Variants in MDGA2 observed in about 807,000 individuals in gnomAD.
MDGA2 encodes MAM domain containing glycosylphosphatidylinositol anchor 2.
A neutral mutation model predicts 117.8 loss-of-function variants in MDGA2; 40 were observed. The ratio of observed to expected loss-of-function variants is 0.34; its 90% confidence interval spans 0.26 to 0.44. MDGA2 has a LOEUF of 0.44. Among genes scored for constraint, MDGA2 ranks in the 20% least tolerant of loss-of-function variants. The probability of loss-of-function intolerance (pLI) is 1.00; values close to 1 mark genes in which losing one functional copy is unlikely to be tolerated. For synonymous variants in MDGA2, 452 were observed against 439.0 expected (o/e 1.03, Z -0.37); for missense variants, 1,123 against 1,250.6 (o/e 0.90, Z 1.54).
intron 3 of MDGA2, among the ~76,000 whole-genome samples, chr14:47,201,431 T>C (rs1885502757): frequency 6.6e-6 from 1 of 152,182 alleles, no homozygotes; most frequent in Admixed American, 6.5e-5. Context: ...CCCTTTTACC[T>C]TGGCCTCCCA....
At chr14:46,919,021 T>C (rs949584328) in intron 10 of MDGA2, among the ~76,000 whole-genome samples, 18 of 151,978 alleles carry the variant, frequency 1.2e-4, no homozygotes, top group Non-Finnish European at 1.8e-4. Context: ...CTCGGCCTCC[T>C]AAAGTGCTGG....
At chr14:46,983,067 T>C (rs899885311) in intron 8 of MDGA2, among the ~76,000 whole-genome samples, 31 of 152,294 alleles carry the variant, frequency 2.0e-4, no homozygotes, top group African/African-American at 6.3e-4. Context: ...GAGATAATCA[T>C]GTGGTTTTTG....
chr14:47,074,217 C>CT (rs1183266387), intron 6 of MDGA2, among the ~76,000 whole-genome samples: 2 of 152,050 alleles, frequency 1.3e-5, no homozygotes, highest in African/African-American at 2.4e-5. Context: ...TATTTACTCT[C>CT]TTTTTATTTC....
chr14:47,663,842 T>C (rs1420101345), intron 1 of MDGA2, among the ~76,000 whole-genome samples: 5 of 152,198 alleles, frequency 3.3e-5, no homozygotes, highest in African/African-American at 1.2e-4. Flanking sequence ...ATTGGGTGGC[T>C]GATTTTTATA....
chr14:47,290,252 C>G (rs923614545), intron 2 of MDGA2, among the ~76,000 whole-genome samples: 1 of 151,878 alleles, frequency 6.6e-6, no homozygotes, highest in Non-Finnish European at 1.5e-5. Context: ...GGGTAGAGAC[C>G]TCATGAATGG....
At chr14:46,983,977 T>G (rs1309591617) in intron 8 of MDGA2, among the ~76,000 whole-genome samples, 2 of 151,986 alleles carry the variant, frequency 1.3e-5, no homozygotes. Flanking sequence ...CTAATCTGAT[T>G]GATGTTACAA....
intron 1 of MDGA2, among the ~76,000 whole-genome samples, chr14:47,582,773 G>C (rs1054905883): frequency 1.3e-5 from 2 of 151,822 alleles, no homozygotes; most frequent in African/African-American, 4.8e-5. Flanking sequence ...CTTGGGGTTT[G>C]TTTATATTCT....
At chr14:47,518,894 C>T (rs1894809271) in intron 1 of MDGA2, among the ~76,000 whole-genome samples, 1 of 152,108 alleles carries the variant, frequency 6.6e-6, no homozygotes, top group Non-Finnish European at 1.5e-5. Context: ...AGGCCATATG[C>T]CCTTGGTTGT....
At chr14:46,949,042 T>C (rs1885274831) in intron 9 of MDGA2, among the ~76,000 whole-genome samples, 1 of 152,060 alleles carries the variant, frequency 6.6e-6, no homozygotes, top group Non-Finnish European at 1.5e-5. Context: ...ATCATACTGC[T>C]TTGTTTTTAA....
intron 8 of MDGA2, among the ~76,000 whole-genome samples, chr14:47,023,452 C>A (rs1217130109): frequency 1.3e-5 from 2 of 152,066 alleles, no homozygotes; most frequent in African/African-American, 4.8e-5. Context: ...GCTTTTTAGG[C>A]ATCATCTAAT....
At chr14:47,560,163 GT>G (rs766262157) in intron 1 of MDGA2, among the ~76,000 whole-genome samples, 2 of 151,492 alleles carry the variant, frequency 1.3e-5, no homozygotes, top group Non-Finnish European at 2.9e-5. Context: ...CACCTCCCGG[GT>G]TCACGCCATT....
chr14:47,284,572 A>C (rs904885111), intron 2 of MDGA2, among the ~76,000 whole-genome samples: 1 of 152,158 alleles, frequency 6.6e-6, no homozygotes, highest in African/African-American at 2.4e-5. Flanking sequence ...GTTGACTTGC[A>C]TGCATTCTCA....
intron 10 of MDGA2, among the ~76,000 whole-genome samples, chr14:46,915,093 T>G (rs780748748): frequency 7.2e-5 from 11 of 152,126 alleles, no homozygotes; most frequent in Admixed American, 2.0e-4. Context: ...AAAAGCTCAT[T>G]GATTTAGGAT....
chr14:47,647,388 T>G (rs944850175), intron 1 of MDGA2, among the ~76,000 whole-genome samples: 1 of 152,080 alleles, frequency 6.6e-6, no homozygotes, highest in African/African-American at 2.4e-5. Flanking sequence ...TGACTTTTCC[T>G]TATAATAGTA....
At chr14:47,051,116 T>G (rs1889442178) in intron 7 of MDGA2, among the ~76,000 whole-genome samples, 2 of 152,074 alleles carry the variant, frequency 1.3e-5, no homozygotes, top group African/African-American at 4.8e-5. Flanking sequence ...ATCTAAGATT[T>G]TAAGGCATGC....
intron 1 of MDGA2, among the ~76,000 whole-genome samples, chr14:47,641,366 G>T (rs1463284104): frequency 1.3e-5 from 2 of 152,044 alleles, no homozygotes; most frequent in East Asian, 3.9e-4. Context: ...GTGGACAATT[G>T]TAATCCCTGA....
At chr14:47,084,997 A>G (rs964601337) in intron 6 of MDGA2, among the ~76,000 whole-genome samples, 4 of 152,200 alleles carry the variant, frequency 2.6e-5, no homozygotes, top group Admixed American at 6.5e-5. Flanking sequence ...GCCAATAACA[A>G]AAATATAATT....
rs555410931 is a variant in MDGA2, at chr14:47,187,961, A to G, written c.595+30060T>C. Among the ~76,000 whole-genome samples, 14 of 151,708 alleles carry G rather than the reference A, an allele frequency of 9.2e-5. No homozygotes were observed. The South Asian group carries it at 2.5e-3, about 27-fold the overall frequency. On this transcript the variant is annotated intron_variant, in intron 3 of 16. Coordinates refer to ENST00000399232, the MANE Select transcript of MDGA2 (RefSeq NM_001113498.3). ...TGTGTCTTATTGCTCTACATTTTTT[A>G]TGTTCCAAATACTCCATCAAATTAC...
At chr14:46,927,038 C>T in intron 9 of MDGA2, among the ~76,000 whole-genome samples, 1 of 152,100 alleles carries the variant, frequency 6.6e-6, no homozygotes, top group East Asian at 1.9e-4. Flanking sequence ...GGGAAAATGA[C>T]TGTGAGTATC....
Sources: allele counts gnomAD v4.1 joint callset (sites outside exome capture counted in the v4.1 genomes callset), GRCh38; gene constraint gnomAD v4.1.1; transcripts MANE v1.5; gene names NCBI Gene and HGNC (gene_info 2026-07-23, HGNC 2026-07-21).